The following PLCXD3 variants were observed in gnomAD, a reference collection of about 807,000 sequenced individuals.
PLCXD3 encodes the protein PI-PLC X domain-containing protein 3.
In PLCXD3, 19 loss-of-function variants were observed where a neutral mutation model predicts 25.5. The observed-to-expected ratio is 0.75, with a 90% CI of 0.52 to 1.09. PLCXD3 has a LOEUF of 1.09. Among genes scored for constraint, PLCXD3 ranks in the 50% least tolerant of loss-of-function variants. PLCXD3 has a pLI of 0.00. For synonymous variants in PLCXD3, 174 were observed against 137.6 expected (o/e 1.26, Z -1.85); for missense variants, 411 against 388.1 (o/e 1.06, Z -0.50).
intron 1 of PLCXD3, among the ~76,000 whole-genome samples, chr5:41,465,385 T>TTTTTTTA (rs1491015410): frequency 8.1e-6 from 1 of 123,392 alleles, no homozygotes; most frequent in Non-Finnish European, 1.8e-5. Context: ...TTTTTTTTTT[T>TTTTTTTA]TGCATTTCTA....
chr5:41,359,098 A>G (rs1287298876), intron 2 of PLCXD3, among the ~76,000 whole-genome samples: 1 of 152,138 alleles, frequency 6.6e-6, no homozygotes, highest in Non-Finnish European at 1.5e-5. Context: ...TCTTTTTGAT[A>G]TGCTGTTGGA....
chr5:41,374,577 C>A (rs1745230770), intron 2 of PLCXD3, among the ~76,000 whole-genome samples: 1 of 152,088 alleles, frequency 6.6e-6, no homozygotes, highest in Non-Finnish European at 1.5e-5. Flanking sequence ...ATATATGTAT[C>A]TGTATGCATA....
intron 1 of PLCXD3, among the ~76,000 whole-genome samples, chr5:41,459,631 C>A (rs1049873064): frequency 2.0e-5 from 3 of 151,756 alleles, no homozygotes; most frequent in African/African-American, 7.3e-5. Flanking sequence ...GGCCTCAGAA[C>A]TGCCAACTAG....
In PLCXD3 at chr5:41,382,088, G is replaced by C; in HGVS notation, c.550C>G (p.Leu184Val). 6.2e-7 allele frequency: 1 copy of C among 1,613,642 alleles called. No homozygotes were observed. Among genetic ancestry groups the C allele is most frequent in the Non-Finnish European group, 8.5e-7 (1 of 1,179,750 alleles). The change falls in exon 2 of 3, where the codon CTG (leucine) becomes GTG (valine). Residue 184 changes from leucine to valine, a missense_variant. Coordinates refer to ENST00000377801, the MANE Select transcript of PLCXD3 (RefSeq NM_001005473.3). ...IFAQEVSLKY[L>V]WEKDYQVLVF... is the part of the protein sequence containing the mutation. ...AGCACTTGATAGTCCTTCTCCCACA[G>C]GTACTTTAAACTAACTTCCTGGGCA...
At chr5:41,493,640 G>T (rs945109686) in intron 1 of PLCXD3, among the ~76,000 whole-genome samples, 5 of 152,214 alleles carry the variant, frequency 3.3e-5, no homozygotes, top group African/African-American at 1.2e-4. Flanking sequence ...GGGCAATGGT[G>T]GGCACCCCTC....
rs1448804696 is a variant in PLCXD3 at position 41,309,025 on chromosome 5, AAAC to A, written c.*4589_*4591del. The A allele has an allele frequency of 6.6e-6, 1 of 152,574 alleles. No individual in the cohort carries two copies. Among genetic ancestry groups the A allele is most frequent in the Non-Finnish European group, 1.5e-5 (1 of 68,008 alleles). The allele number at this position is 152,574 out of a possible 1,614,324, so 9.5% of individuals were successfully genotyped here. The stretch of plus-strand genomic sequence containing the variant: ...TTTCAATTTTAAATCCAAATTGCAA[AAAC>A]AACAAAAAAGTGTTAATAAATTAAG... On this transcript the variant is annotated 3_prime_UTR_variant, in exon 3 of 3. Transcript: ENST00000377801.
At chr5:41,392,009 A>G (rs78648944) in intron 1 of PLCXD3, among the ~76,000 whole-genome samples, 16,571 of 152,128 alleles carry the variant, frequency 0.11, 1,082 homozygotes, top group Admixed American at 0.17. Flanking sequence ...TGCATTTTGT[A>G]GTTTGAGTGC....
Position 41,313,643 on chromosome 5 carries a change from A to C in PLCXD3, c.940T>G (p.Phe314Val). ...ISTVIKLNYVFDEGEANT is the reference protein window; with the variant it reads ...ISTVIKLNYVVDEGEANT ...CAAGTGTTGGCTTCTCCTTCATCAA[A>C]GACATAGTTGAGCTTTATGACAGTG... is the stretch of plus-strand genomic sequence containing the variant. The change falls in exon 3 of 3, where the codon TTT becomes GTT. Residue 314 changes from phenylalanine to valine, a missense_variant. Coordinates refer to ENST00000377801, the MANE Select transcript of PLCXD3 (RefSeq NM_001005473.3). 2 of 1,613,884 alleles carry C rather than the reference A, an allele frequency of 1.2e-6. No individual in the cohort carries two copies. Among genetic ancestry groups the C allele is most frequent in the Non-Finnish European group, 1.7e-6 (2 of 1,179,838 alleles).
chr5:41,397,375 G>T lies in PLCXD3; in HGVS notation c.104-14841C>A, dbSNP rs146192449. 6.7e-3 allele frequency among the ~76,000 whole-genome samples: 1,016 copies of T among 152,316 alleles called. 10 individuals are homozygous for T. Among genetic ancestry groups the T allele is most frequent in the Non-Finnish European group, 0.011 (774 of 68,016 alleles). On this transcript the variant is annotated intron_variant, in intron 1 of 2. Coordinates refer to ENST00000377801, the MANE Select transcript of PLCXD3 (RefSeq NM_001005473.3). Reference sequence around the variant, plus strand: ...CAGAGGGTGCAAGCCCCAAGCCTTGGTGGCTTCCACATGGTTTAGGGCCTT... The same window carrying T: ...CAGAGGGTGCAAGCCCCAAGCCTTGTTGGCTTCCACATGGTTTAGGGCCTT...
chr5:41,381,792 T>G, intron 2 of PLCXD3, 34 bp downstream of exon 2: 1 of 1,466,274 alleles, frequency 6.8e-7, no homozygotes, highest in South Asian at 1.3e-5. Flanking sequence ...TTAAATTATT[T>G]GAGGTTTCCC....
chr5:41,423,660 T>A (rs1746880642), intron 1 of PLCXD3, among the ~76,000 whole-genome samples: 1 of 152,102 alleles, frequency 6.6e-6, no homozygotes, highest in African/African-American at 2.4e-5. Flanking sequence ...GGTTGTGAAT[T>A]TCTGGCCGGG....
At chr5:41,337,143 T>C (rs779933595) in intron 2 of PLCXD3, among the ~76,000 whole-genome samples, 2 of 152,082 alleles carry the variant, frequency 1.3e-5, no homozygotes, top group Non-Finnish European at 2.9e-5. Flanking sequence ...CAAAAGAAAT[T>C]GCATTTATGC....
chr5:41,342,893 G>T (rs1286571440), intron 2 of PLCXD3, among the ~76,000 whole-genome samples: 1 of 152,016 alleles, frequency 6.6e-6, no homozygotes, highest in Non-Finnish European at 1.5e-5. Context: ...TTGTGGTGGG[G>T]ATAGGCCTTG....
At chr5:41,323,010 C>T in intron 2 of PLCXD3, among the ~76,000 whole-genome samples, 1 of 151,030 alleles carries the variant, frequency 6.6e-6, no homozygotes, top group South Asian at 2.1e-4. Flanking sequence ...AAATGTGGTA[C>T]ATATACACAA....
At chr5:41,320,905 T>C (rs1332588701) in intron 2 of PLCXD3, among the ~76,000 whole-genome samples, 1 of 152,210 alleles carries the variant, frequency 6.6e-6, no homozygotes, top group Admixed American at 6.5e-5. Context: ...ATCCCTTCAT[T>C]ATAAAAAATC....
rs117727013 is a variant in PLCXD3, at chr5:41,378,147, T to A, written c.812+3679A>T. On this transcript the variant is annotated intron_variant, in intron 2 of 2. Coordinates refer to ENST00000377801, the MANE Select transcript of PLCXD3 (RefSeq NM_001005473.3). ...GTCAAGTGCTCCTTCACTGAATAAG[T>A]GATAAGTATTAATAAATTGCTTTTG... Among the ~76,000 whole-genome samples, 276 of 152,146 alleles carry A rather than the reference T, an allele frequency of 1.8e-3. 2 individuals are homozygous for A. Among genetic ancestry groups the A allele is most frequent in the Admixed American group, 0.012 (180 of 15,260 alleles).
chr5:41,369,739 A>T (rs1240258739), intron 2 of PLCXD3, among the ~76,000 whole-genome samples: 2 of 152,156 alleles, frequency 1.3e-5, no homozygotes, highest in Non-Finnish European at 2.9e-5. Flanking sequence ...TCGGCCTCCC[A>T]AAGTGCTGGG....
rs183151895 is a variant in PLCXD3, at chr5:41,486,168, G to A, written c.103+24256C>T. On this transcript the variant is annotated intron_variant, in intron 1 of 2. Coordinates refer to ENST00000377801, the MANE Select transcript of PLCXD3 (RefSeq NM_001005473.3). ...CAAGCTTGTCCAAAGCTTAGACTTG[G>A]GTGAGTAGATATCATACAATGAAGT... is the stretch of plus-strand genomic sequence containing the variant. 9.7e-4 allele frequency among the ~76,000 whole-genome samples: 147 copies of A among 152,172 alleles called. 1 individual carries two copies. The highest frequency in any genetic ancestry group is 3.3e-3 in the African/African-American group (137 of 41,536).
intron 1 of PLCXD3, among the ~76,000 whole-genome samples, chr5:41,505,795 C>A (rs959994095): frequency 6.6e-6 from 1 of 152,222 alleles, no homozygotes; most frequent in Non-Finnish European, 1.5e-5. Context: ...GCTCAAGGTA[C>A]ATGATGACCT....
Sources: gnomAD v4.1 joint callset for allele counts (sites outside exome capture counted in the v4.1 genomes callset) on GRCh38, gnomAD v4.1.1 for gene constraint, MANE v1.5 for transcripts, NCBI Gene and HGNC (gene_info 2026-07-23, HGNC 2026-07-21) for gene names.